SGCD: variants seen among roughly 807,000 people sequenced by gnomAD.
The protein encoded by SGCD is delta-sarcoglycan.
In SGCD, 18 loss-of-function variants were observed where a neutral mutation model predicts 36.6. That is an observed-to-expected ratio of 0.49 (90% CI 0.34 to 0.73). The LOEUF is 0.73. SGCD is among the 30% of genes least tolerant of loss of function. The pLI, the probability that SGCD is intolerant of heterozygous loss-of-function variation, is 0.01. For missense variants in SGCD, 387 were observed against 346.7 expected (o/e 1.12, Z -0.92); for synonymous variants, 133 against 130.6 (o/e 1.02, Z -0.12).
At chr5:156,557,836 A>G (rs1207097333) in intron 4 of SGCD, among the ~76,000 whole-genome samples, 3 of 151,902 alleles carry the variant, frequency 2.0e-5, no homozygotes, top group Admixed American at 6.6e-5. Flanking sequence ...TACTGCATGT[A>G]TCTTATATAA....
intron 1 of SGCD, among the ~76,000 whole-genome samples, chr5:156,115,448 A>G (rs1761885205): frequency 1.3e-5 from 2 of 152,162 alleles, no homozygotes; most frequent in South Asian, 4.1e-4. Flanking sequence ...TTGTATTATT[A>G]CCCAACCCCT....
chr5:156,286,063 A>C (rs1036921355), intron 3 of SGCD, among the ~76,000 whole-genome samples: 3 of 152,224 alleles, frequency 2.0e-5, no homozygotes, highest in African/African-American at 7.2e-5. Context: ...GCCAAAAGAC[A>C]CATCAAAAAA....
chr5:155,730,475 G>GTGTGTGTGTGT, the SGCD span, among the ~76,000 whole-genome samples: 9 of 151,292 alleles, frequency 5.9e-5, no homozygotes, highest in South Asian at 2.1e-4. Context: ...GTGTGTGTGT[G>GTGTGTGTGTGT]GCGAGGGGAA....
At chr5:156,526,047 GT>G (rs1251489584) in intron 4 of SGCD, among the ~76,000 whole-genome samples, 13 of 151,918 alleles carry the variant, frequency 8.6e-5, no homozygotes, top group Admixed American at 7.9e-4. Flanking sequence ...GTTCTTCTTG[GT>G]TTTGAAATTG....
intron 3 of SGCD, among the ~76,000 whole-genome samples, chr5:156,447,047 G>A (rs553389442): frequency 2.6e-5 from 4 of 152,276 alleles, no homozygotes; most frequent in South Asian, 4.1e-4. Context: ...CAGAAAGGAT[G>A]TTAAACAGAT....
At chr5:155,775,185 C>G in the SGCD span, among the ~76,000 whole-genome samples, 1 of 152,248 alleles carries the variant, frequency 6.6e-6, no homozygotes, top group African/African-American at 2.4e-5. Flanking sequence ...AGTGATTGAT[C>G]TCCCATGATG....
At chr5:156,518,038 C>T (rs1198116823) in intron 4 of SGCD, among the ~76,000 whole-genome samples, 3 of 152,110 alleles carry the variant, frequency 2.0e-5, no homozygotes, top group Non-Finnish European at 4.4e-5. Context: ...TTAAAAGACA[C>T]AGAATAGCAA....
chr5:155,739,059 G>C, the SGCD span, among the ~76,000 whole-genome samples: 3 of 152,154 alleles, frequency 2.0e-5, no homozygotes, highest in African/African-American at 7.2e-5. Context: ...CAAGAATTCA[G>C]TTTTTAAGAT....
chr5:156,753,220 A>C (rs181770491), intron 7 of SGCD, among the ~76,000 whole-genome samples: 220 of 152,282 alleles, frequency 1.4e-3, no homozygotes, highest in African/African-American at 5.0e-3. Flanking sequence ...AAGATATGGC[A>C]CAGCCTGGCC....
At chr5:156,259,693 A>C (rs769387014) in intron 3 of SGCD, among the ~76,000 whole-genome samples, 1 of 152,146 alleles carries the variant, frequency 6.6e-6, no homozygotes, top group African/African-American at 2.4e-5. Context: ...TATTGGTAAC[A>C]TAATCCTCAA....
intron 3 of SGCD, among the ~76,000 whole-genome samples, chr5:156,127,193 A>T (rs901434979): frequency 1.3e-5 from 2 of 152,102 alleles, no homozygotes; most frequent in African/African-American, 4.8e-5. Context: ...AAAGTTTTTC[A>T]AAAAATCATA....
At chr5:155,975,840 G>A (rs770986112) in intron 1 of SGCD, among the ~76,000 whole-genome samples, 1 of 151,406 alleles carries the variant, frequency 6.6e-6, no homozygotes, top group Non-Finnish European at 1.5e-5. Flanking sequence ...ATGTTGCCCA[G>A]GCTGGTCTCA....
chr5:156,456,611 T>A (rs2127812137), intron 3 of SGCD, among the ~76,000 whole-genome samples: 1 of 152,224 alleles, frequency 6.6e-6, no homozygotes, highest in South Asian at 2.1e-4. Flanking sequence ...AGAGATAAAT[T>A]GAGGAATGAA....
At chr5:156,721,828 T>C (rs758943182) in intron 7 of SGCD, among the ~76,000 whole-genome samples, 1 of 152,124 alleles carries the variant, frequency 6.6e-6, no homozygotes, top group African/African-American at 2.4e-5. Flanking sequence ...GTTGGGAATA[T>C]ATGGAAGTCC....
intron 3 of SGCD, among the ~76,000 whole-genome samples, chr5:156,353,939 C>T (rs1769378051): frequency 6.6e-6 from 1 of 152,114 alleles, no homozygotes; most frequent in African/African-American, 2.4e-5. Flanking sequence ...ATAATTACTG[C>T]AAATAACATG....
At chr5:156,550,519 GA>G (rs1485868818) in intron 4 of SGCD, among the ~76,000 whole-genome samples, 1 of 152,190 alleles carries the variant, frequency 6.6e-6, no homozygotes, top group African/African-American at 2.4e-5. Context: ...CTAACTTTAT[GA>G]CCATTGATTT....
intron 3 of SGCD, among the ~76,000 whole-genome samples, chr5:156,367,697 G>T (rs1770177672): frequency 6.6e-6 from 1 of 152,202 alleles, no homozygotes; most frequent in Non-Finnish European, 1.5e-5. Flanking sequence ...TGGCAGCCCT[G>T]TGGAATGGTC....
Position 155,883,921 on chromosome 5 carries a change from A to G in SGCD, c.-282+13497A>G, listed in dbSNP as rs190018805. Among the ~76,000 whole-genome samples, 83 of 152,164 alleles carry G rather than the reference A, an allele frequency of 5.5e-4. 1 individual carries two copies. Among genetic ancestry groups the G allele is most frequent in the East Asian group, 1.5e-3 (8 of 5,172 alleles). On this transcript the variant is annotated intron_variant, in intron 1 of 9. Coordinates refer to the SGCD transcript ENST00000517913. ...GCTCAGAGCATTTCAGCAAAATCCT[A>G]CAGGGTAGTTATTGGCAGAACTGGG...
At chr5:155,752,023 A>G in the SGCD span, among the ~76,000 whole-genome samples, 1 of 152,188 alleles carries the variant, frequency 6.6e-6, no homozygotes, top group East Asian at 1.9e-4. Flanking sequence ...ATGAGATAAT[A>G]TATGCAATGT....
Sources: gnomAD v4.1 joint callset for allele counts (sites outside exome capture counted in the v4.1 genomes callset) on GRCh38, gnomAD v4.1.1 for gene constraint, MANE v1.5 for transcripts, NCBI Gene and HGNC (gene_info 2026-07-23, HGNC 2026-07-21) for gene names.